Variants in LRBA observed in about 807,000 individuals in gnomAD.
LRBA encodes LPS responsive beige-like anchor protein, also known as lipopolysaccharide-responsive and beige-like anchor protein.
LRBA carries 176 observed loss-of-function variants against 330.0 expected under a neutral mutation model. The ratio of observed to expected loss-of-function variants is 0.53; its 90% CI spans 0.47 to 0.60. The LOEUF is 0.60. LRBA is among the 20% of genes least tolerant of loss of function. LRBA has a pLI of 0.00. For synonymous variants in LRBA, 1,230 were observed against 1,193.0 expected, an observed-to-expected ratio of 1.03 and a Z score of -0.64; for missense variants, 3,259 against 3,444.8, an observed-to-expected ratio of 0.95 and a Z score of 1.35.
chr4:151,004,311 A>G (rs1028516103), intron 2 of LRBA, among the ~76,000 whole-genome samples: 15 of 152,150 alleles, frequency 9.9e-5, no homozygotes, highest in African/African-American at 3.6e-4. Context: ...CTTTGGGGCC[A>G]CTATTAGGTA....
chr4:150,552,569 C>T (rs1015928452), intron 40 of LRBA, among the ~76,000 whole-genome samples: 1 of 152,108 alleles, frequency 6.6e-6, no homozygotes, highest in Non-Finnish European at 1.5e-5. Context: ...CTAGTTCAAC[C>T]ACTGTGGAAG....
chr4:150,611,650 C>T (rs1775271188), intron 37 of LRBA, among the ~76,000 whole-genome samples: 1 of 152,062 alleles, frequency 6.6e-6, no homozygotes, highest in Non-Finnish European at 1.5e-5. Context: ...AATAGCAAGG[C>T]TATTAGACTA....
At chr4:150,511,746 T>C (rs1019813809) in intron 40 of LRBA, among the ~76,000 whole-genome samples, 2 of 152,252 alleles carry the variant, frequency 1.3e-5, no homozygotes, top group Non-Finnish European at 2.9e-5. Flanking sequence ...CACCATTTTA[T>C]AAATTAACAA....
At chr4:150,803,079 T>TATATATAC (rs1553964893) in intron 33 of LRBA, among the ~76,000 whole-genome samples, 1 of 108,238 alleles carries the variant, frequency 9.2e-6, no homozygotes, top group African/African-American at 4.0e-5. Flanking sequence ...AAAAAAAATA[T>TATATATAC]ATATACACAC....
At chr4:150,808,045 T>C (rs112025421) in intron 32 of LRBA, among the ~76,000 whole-genome samples, 4 of 152,348 alleles carry the variant, frequency 2.6e-5, no homozygotes, top group African/African-American at 7.2e-5. Flanking sequence ...ATATTTGTTA[T>C]GCATGCAGCA....
At chr4:150,788,239 A>ATTTTTT (rs377479266) in intron 34 of LRBA, among the ~76,000 whole-genome samples, 12 of 123,220 alleles carry the variant, frequency 9.7e-5, no homozygotes, top group African/African-American at 4.6e-4. Context: ...CACCCGGTTA[A>ATTTTTT]TTTTTTTTTT....
At chr4:150,978,373 A>G (rs1347836174) in intron 2 of LRBA, among the ~76,000 whole-genome samples, 1 of 152,238 alleles carries the variant, frequency 6.6e-6, no homozygotes, top group Non-Finnish European at 1.5e-5. Context: ...TACAGCTTAG[A>G]TCACAATAGC....
At chr4:150,798,246 A>AT in intron 33 of LRBA, 104 bp from the exon 34 acceptor site, 1 of 725,870 alleles carries the variant, frequency 1.4e-6, no homozygotes, top group Non-Finnish European at 2.4e-6. Context: ...TCAGACTATT[A>AT]ATAGTGCACA....
rs58528401 is a variant in LRBA, at chr4:150,380,982, C to CA, written c.7195-30824dup. 2.6e-3 allele frequency among the ~76,000 whole-genome samples: 157 copies of CA among 60,992 alleles called. 4 individuals carry two copies. Among genetic ancestry groups the CA allele is most frequent in the African/African-American group, 6.9e-3 (105 of 15,164 alleles). The allele number at this position is 60,992 out of a possible 152,430, so 40.0% of individuals were successfully genotyped here. A position where few individuals can be genotyped will look rare whatever the true frequency, so the allele number is the denominator to read the frequency against. On this transcript the variant is annotated intron_variant, in intron 47 of 56. Coordinates refer to ENST00000651943, the MANE Select transcript of LRBA (RefSeq NM_001364905.1). ...GGGCAACAAGAGCGAAACTCCATCT[C>CA]AAAAAAAAAAAAAAAAAAAAAAAAA...
At chr4:150,742,192 C>T (rs1285783632) in intron 35 of LRBA, among the ~76,000 whole-genome samples, 1 of 146,756 alleles carries the variant, frequency 6.8e-6, no homozygotes, top group South Asian at 2.2e-4. Flanking sequence ...GTCACCCAGG[C>T]TGGAGTGCAG....
chr4:150,662,341 A>C (rs910307152), intron 37 of LRBA, among the ~76,000 whole-genome samples: 2 of 152,228 alleles, frequency 1.3e-5, no homozygotes, highest in Non-Finnish European at 2.9e-5. Flanking sequence ...TACGAGAAGG[A>C]TATTACATGA....
chr4:150,384,199 C>T (rs747458664), intron 47 of LRBA, among the ~76,000 whole-genome samples: 1 of 151,786 alleles, frequency 6.6e-6, no homozygotes. Flanking sequence ...CCACCATGCC[C>T]GGCAAATTTT....
intron 47 of LRBA, among the ~76,000 whole-genome samples, chr4:150,351,804 CT>C (rs1471376064): frequency 1.3e-5 from 2 of 152,186 alleles, no homozygotes; most frequent in East Asian, 3.9e-4. Context: ...AACCCTATAC[CT>C]ATATGTACTA....
At chr4:150,742,764 G>A (rs1373223660) in intron 35 of LRBA, among the ~76,000 whole-genome samples, 3 of 152,042 alleles carry the variant, frequency 2.0e-5, no homozygotes, top group East Asian at 1.9e-4. Context: ...TGAGCATGGT[G>A]GTACACATCT....
chr4:150,650,272 T>C (rs1403538713), intron 37 of LRBA, among the ~76,000 whole-genome samples: 1 of 152,178 alleles, frequency 6.6e-6, no homozygotes, highest in East Asian at 1.9e-4. Flanking sequence ...GCTTTATTAA[T>C]ATTAACATGT....
chr4:150,382,678 G>A, intron 47 of LRBA, among the ~76,000 whole-genome samples: 1 of 150,920 alleles, frequency 6.6e-6, no homozygotes, highest in East Asian at 1.9e-4. Context: ...AATATTCACA[G>A]GCTTTTTGTG....
chr4:150,382,575 A>G (rs929127687), intron 47 of LRBA, among the ~76,000 whole-genome samples: 1 of 151,130 alleles, frequency 6.6e-6, no homozygotes, highest in African/African-American at 2.4e-5. Context: ...GTGAGCTGAG[A>G]CTGTGCCACT....
chr4:150,374,795 C>T (rs571130067), intron 47 of LRBA, among the ~76,000 whole-genome samples: 119 of 152,266 alleles, frequency 7.8e-4, no homozygotes, highest in Non-Finnish European at 1.5e-3. Context: ...GTACATATAA[C>T]ATATCAAAAG....
chr4:150,609,615 T>C (rs796203787), intron 37 of LRBA, among the ~76,000 whole-genome samples: 1 of 152,280 alleles, frequency 6.6e-6, no homozygotes, highest in South Asian at 2.1e-4. Context: ...GATACATGGA[T>C]TACTGGTGAT....
Sources: gnomAD v4.1 joint callset for allele counts (sites outside exome capture counted in the v4.1 genomes callset) on GRCh38, gnomAD v4.1.1 for gene constraint, MANE v1.5 for transcripts, NCBI Gene and HGNC (gene_info 2026-07-23, HGNC 2026-07-21) for gene names.